Variants in ZNF69 observed in about 807,000 individuals in gnomAD.
The protein encoded by ZNF69 is zinc finger protein 69, also known as ZNF3.
In ZNF69, 47 loss-of-function variants were observed where a neutral mutation model predicts 50.9. The ratio of observed to expected loss-of-function variants is 0.92; its 90% CI spans 0.73 to 1.18. The LOEUF (loss-of-function observed/expected upper bound fraction) is 1.18, where lower values mean the gene tolerates loss of function less well. ZNF69 is among the 50% of genes most tolerant of loss of function. The pLI is 0.00. For missense variants in ZNF69, 717 were observed against 675.1 expected (o/e 1.06, Z -0.69); for synonymous variants, 216 against 223.1 (o/e 0.97, Z 0.29).
chr19:11,921,606 C>A, the ZNF69 span, among the ~76,000 whole-genome samples: 1 of 151,736 alleles, frequency 6.6e-6, no homozygotes, highest in African/African-American at 2.4e-5. Context: ...CGGGTTCAAG[C>A]GATTCTCTGC....
At chr19:11,897,460 A>G (rs1476029097) in intron 1 of ZNF69, among the ~76,000 whole-genome samples, 1 of 152,146 alleles carries the variant, frequency 6.6e-6, no homozygotes, top group Non-Finnish European at 1.5e-5. Context: ...CTGTAGTCCC[A>G]GCTACTCAGG....
At chr19:11,903,198 G>A (rs1478973950) in intron 1 of ZNF69, among the ~76,000 whole-genome samples, 2 of 152,058 alleles carry the variant, frequency 1.3e-5, no homozygotes, top group Non-Finnish European at 2.9e-5. Context: ...ACTTTGGGAG[G>A]CTGAGGCAGG....
chr19:11,948,470 C>T, the ZNF69 span: 40 of 1,614,096 alleles, frequency 2.5e-5, no homozygotes, highest in African/African-American at 2.0e-4. Flanking sequence ...AGAGGTGACA[C>T]TGGACACAAG....
In ZNF69 at chr19:11,904,698, G is replaced by A. The variant is rs750678370; in HGVS notation, c.301G>A (p.Gly101Arg). Residue 101 changes from glycine (G) to arginine (R), a missense_variant, in exon 4 of 4, where the codon GGA (glycine) becomes AGA (arginine). Transcript: ENST00000429654. Reference protein sequence around the residue: ...VNEIKDDSHCGETFTQVPDDR... With the variant: ...VNEIKDDSHCRETFTQVPDDR... ...TGAAATTAAAGATGACAGTCATTGT[G>A]GAGAAACTTTTACCCAGGTTCCAGA... 6.2e-7 allele frequency: 1 copy of A among 1,613,844 alleles called. No homozygotes were observed. The highest frequency in any genetic ancestry group is 1.1e-5 in the South Asian group (1 of 91,044).
At chr19:11,908,852 A>G (rs1972416795), downstream of ZNF69, among the ~76,000 whole-genome samples, 1 of 152,204 alleles carries the variant, frequency 6.6e-6, no homozygotes. Context: ...AGAGACAGAA[A>G]AAACCCTTCA....
At chr19:11,957,373 C>T in the ZNF69 span, among the ~76,000 whole-genome samples, 3 of 151,510 alleles carry the variant, frequency 2.0e-5, no homozygotes, top group East Asian at 2.0e-4. Flanking sequence ...GGATTACAGG[C>T]GTGAGCCACC....
At chr19:11,925,457 C>T in the ZNF69 span, among the ~76,000 whole-genome samples, 3 of 152,292 alleles carry the variant, frequency 2.0e-5, no homozygotes, top group East Asian at 5.8e-4. Context: ...CAGCCAGGAC[C>T]CGGGCGTCCT....
At chr19:11,979,077 C>T in the ZNF69 span, 5 of 1,614,010 alleles carry the variant, frequency 3.1e-6, no homozygotes, top group Admixed American at 3.3e-5. Flanking sequence ...TTCAAACACA[C>T]CTAAGAATGC....
chr19:11,903,427 A>T, intron 1 of ZNF69, 146 bp from the exon 2 acceptor site: 1 of 1,388,692 alleles, frequency 7.2e-7, no homozygotes, highest in Non-Finnish European at 9.7e-7. Context: ...GAATTGCTTT[A>T]TGGAAGAAAG....
chr19:11,962,053 C>T, the ZNF69 span, among the ~76,000 whole-genome samples: 15 of 152,120 alleles, frequency 9.9e-5, no homozygotes, highest in Non-Finnish European at 2.2e-4. Context: ...TGGTCTCCAG[C>T]GATCTATCTG....
At chr19:11,974,550 G>A in the ZNF69 span, among the ~76,000 whole-genome samples, 4 of 135,462 alleles carry the variant, frequency 3.0e-5, no homozygotes, top group African/African-American at 2.9e-5. Context: ...TCATATGTTT[G>A]TTTGACATAA....
chr19:11,939,572 TC>T, the ZNF69 span, among the ~76,000 whole-genome samples: 1 of 152,216 alleles, frequency 6.6e-6, no homozygotes, highest in Admixed American at 6.5e-5. Flanking sequence ...TCTGTTCTGT[TC>T]CATTGGTCTA....
chr19:11,934,502 CT>C, the ZNF69 span, among the ~76,000 whole-genome samples: 5 of 147,716 alleles, frequency 3.4e-5, 1 homozygote, highest in African/African-American at 8.0e-5. Flanking sequence ...TCATTGTTTT[CT>C]TTTTTTTCTT....
chr19:11,904,710 AC>A lies in ZNF69; in HGVS notation c.316del (p.Gln106ArgfsTer7). 1.2e-6 allele frequency: 2 copies of A among 1,613,962 alleles called. No homozygotes were observed. The highest frequency in any genetic ancestry group is 1.7e-6 in the Non-Finnish European group (2 of 1,179,864). On this transcript the variant is annotated frameshift_variant, in exon 4 of 4. Coordinates refer to ENST00000429654, the MANE Select transcript of ZNF69 (RefSeq NM_001364730.1). LOFTEE classifies it high-confidence loss of function. ...TGACAGTCATTGTGGAGAAACTTTT[AC>A]CCAGGTTCCAGATGACAGGCTGAAC... ...KDDSHCGETF[T>X]QVPDDRLNFQ...
the ZNF69 span, chr19:11,978,831 GA>G: frequency 6.2e-7 from 1 of 1,614,126 alleles, no homozygotes; most frequent in Non-Finnish European, 8.5e-7. Flanking sequence ...TCAAATACAT[GA>G]AAGAACTCAC....
the ZNF69 span, among the ~76,000 whole-genome samples, chr19:11,971,922 C>T: frequency 6.6e-6 from 1 of 151,898 alleles, no homozygotes; most frequent in Admixed American, 6.6e-5. Context: ...ATTAGCCAGG[C>T]GTGGTGGCAG....
the ZNF69 span, chr19:11,956,495 A>G: frequency 2.8e-5 from 11 of 398,262 alleles, no homozygotes; most frequent in Non-Finnish European, 4.4e-5. Flanking sequence ...GTATTTTCTC[A>G]TTGAAACAGA....
Position 11,905,764 on chromosome 19 carries a change from T to C in ZNF69, c.1367T>C (p.Met456Thr), listed in dbSNP as rs753472092. Residue 456 changes from methionine to threonine, a missense_variant, in exon 4 of 4, where the codon ATG becomes ACG. Met to Thr is a moderately conservative substitution (Grantham distance 81). Transcript: ENST00000429654. ...CQECGKAFRS[M>T]KNLQSHERTQ... Reference sequence around the variant, plus strand: ...GAATGTGGGAAAGCCTTCAGATCTATGAAGAACCTTCAAAGTCATGAAAGG... The same window carrying C: ...GAATGTGGGAAAGCCTTCAGATCTACGAAGAACCTTCAAAGTCATGAAAGG... 4 of 1,610,106 alleles carry C rather than the reference T, an allele frequency of 2.5e-6. No individual in the cohort carries two copies. The highest frequency in any genetic ancestry group is 3.4e-6 in the Non-Finnish European group (4 of 1,179,230).
rs1972377977 is a variant in ZNF69, at chr19:11,906,552, C to T, written c.*454C>T. 6.6e-6 allele frequency among the ~76,000 whole-genome samples: 1 copy of T among 152,160 alleles called. No individual in the cohort carries two copies. The highest frequency in any genetic ancestry group is 2.1e-4 in the South Asian group (1 of 4,834). ...GTTCTGCAGCCCCTGCTGGTGATAC[C>T]CAGGCAAACAGGGTCTGGAGTGGAC... On this transcript the variant is annotated 3_prime_UTR_variant, in exon 4 of 4. Coordinates refer to ENST00000429654, the MANE Select transcript of ZNF69 (RefSeq NM_001364730.1).
Sources: allele counts gnomAD v4.1 joint callset (sites outside exome capture counted in the v4.1 genomes callset), GRCh38; gene constraint gnomAD v4.1.1; transcripts MANE v1.5; gene names NCBI Gene and HGNC (gene_info 2026-07-23, HGNC 2026-07-21).